Variants in ZNF383 observed in about 807,000 individuals in gnomAD.
The protein encoded by ZNF383 is zinc finger protein 383.
A neutral mutation model predicts 44.2 loss-of-function variants in ZNF383; 32 were observed. The observed-to-expected ratio is 0.72, with a 90% CI of 0.55 to 0.97. The LOEUF is 0.97. Among genes scored for constraint, ZNF383 ranks in the 50% least tolerant of loss-of-function variants. The probability of loss-of-function intolerance (pLI) is 0.00; values close to 1 mark genes in which losing one functional copy is unlikely to be tolerated. For synonymous variants in ZNF383, 155 were observed against 186.2 expected (o/e 0.83, Z 1.36); for missense variants, 487 against 562.5 (o/e 0.87, Z 1.36).
At chr19:37,229,849 G>T (rs1973396228) in intron 2 of ZNF383, among the ~76,000 whole-genome samples, 1 of 145,424 alleles carries the variant, frequency 6.9e-6, no homozygotes, top group Non-Finnish European at 1.5e-5. Context: ...ATTAGTGCCT[G>T]CATCCCTGTG....
At chr19:37,235,939 C>T (rs1291999159) in intron 4 of ZNF383, 40 bp from the exon 5 acceptor site, 4 of 1,545,744 alleles carry the variant, frequency 2.6e-6, no homozygotes, top group East Asian at 2.3e-5. Flanking sequence ...TCTCCTTTAC[C>T]CCCAGCATAA....
intron 2 of ZNF383, among the ~76,000 whole-genome samples, chr19:37,229,948 G>A (rs1421443239): frequency 6.6e-6 from 1 of 151,648 alleles, no homozygotes; most frequent in African/African-American, 2.4e-5. Context: ...GACTTGATTA[G>A]GGAAGTCTTT....
rs1974281922 is a variant in ZNF383, at chr19:37,244,430, T to G, written c.*766T>G. 6.6e-6 allele frequency: 1 copy of G among 152,512 alleles called. No individual in the cohort carries two copies. Among genetic ancestry groups the G allele is most frequent in the Admixed American group, 6.6e-5 (1 of 15,216 alleles). 9.4% of individuals were successfully genotyped at this position (152,512 alleles called of 1,614,324 possible). On this transcript the variant is annotated 3_prime_UTR_variant, in exon 6 of 6. Transcript: ENST00000684119. Reference sequence around the variant, plus strand: ...TTCGCTCTTGTTGCCTAGGCTGGAGTGCAATGGTGCAATCTCGGCTCGTCA... The same window carrying G: ...TTCGCTCTTGTTGCCTAGGCTGGAGGGCAATGGTGCAATCTCGGCTCGTCA...
chr19:37,237,560 T>C (rs1355308160), intron 5 of ZNF383, among the ~76,000 whole-genome samples: 1 of 152,152 alleles, frequency 6.6e-6, no homozygotes, highest in Non-Finnish European at 1.5e-5. Context: ...AAGCCTACAT[T>C]CTAGAGGGTA....
chr19:37,238,179 A>G (rs1202283053), intron 5 of ZNF383, among the ~76,000 whole-genome samples: 1 of 152,050 alleles, frequency 6.6e-6, no homozygotes, highest in Non-Finnish European at 1.5e-5. Flanking sequence ...TCTTAATACT[A>G]TCACATTGGC....
intron 1 of ZNF383, among the ~76,000 whole-genome samples, chr19:37,220,735 C>T (rs1416558284): frequency 2.0e-5 from 3 of 152,140 alleles, no homozygotes; most frequent in African/African-American, 7.2e-5. Flanking sequence ...TATCCTACCT[C>T]CCTCTTTAGG....
chr19:37,220,985 C>T (rs1277331586), intron 1 of ZNF383, among the ~76,000 whole-genome samples: 4 of 152,096 alleles, frequency 2.6e-5, no homozygotes, highest in Non-Finnish European at 5.9e-5. Flanking sequence ...GCAGTTCAGA[C>T]GTTGGTTATT....
chr19:37,235,917 C>A, intron 4 of ZNF383, 62 bp from the exon 5 acceptor site: 1 of 1,432,688 alleles, frequency 7.0e-7, no homozygotes, highest in Non-Finnish European at 9.6e-7. Context: ...CTGTGATCAT[C>A]AAGGGACTGG....
Position 37,245,921 on chromosome 19 carries a change from C to G in ZNF383, c.*2257C>G, listed in dbSNP as rs1045242730. On this transcript the variant is annotated 3_prime_UTR_variant, in exon 6 of 6. Coordinates refer to ENST00000684119, the MANE Select transcript of ZNF383 (RefSeq NM_001387601.1). Reference sequence around the variant, plus strand: ...AAGTGAGTCTTCCGCCTCAGCCTCCCGAGTAGCTGGGACTACAGGCGCGCG... The same window carrying G: ...AAGTGAGTCTTCCGCCTCAGCCTCCGGAGTAGCTGGGACTACAGGCGCGCG... The G allele has an allele frequency of 6.6e-6, 1 of 151,982 alleles. No individual in the cohort carries two copies. Among genetic ancestry groups the G allele is most frequent in the African/African-American group, 2.4e-5 (1 of 41,340 alleles). 9.4% of individuals were successfully genotyped at this position (151,982 alleles called of 1,614,324 possible).
intron 3 of ZNF383, among the ~76,000 whole-genome samples, chr19:37,231,448 T>A (rs1973483119): frequency 6.6e-6 from 1 of 152,104 alleles, no homozygotes; most frequent in African/African-American, 2.4e-5. Context: ...TCCTTGAACC[T>A]GGGAGGCAGA....
chr19:37,236,156 T>C, intron 5 of ZNF383, 82 bp downstream of exon 5: 1 of 1,022,686 alleles, frequency 9.8e-7, no homozygotes, highest in South Asian at 1.6e-5. Flanking sequence ...ACCTTTGAGA[T>C]GTTATCCCTG....
chr19:37,243,356 G>C lies in ZNF383; in HGVS notation c.1120G>C (p.Ala374Pro), dbSNP rs1974233015. ...KPYDCKECGKAFTQSSQLRQH... is the reference protein window; with the variant it reads ...KPYDCKECGKPFTQSSQLRQH... ...CTATGATTGTAAGGAATGTGGAAAG[G>C]CTTTTACTCAGAGCTCACAGCTTCG... Residue 374 changes from alanine to proline, a missense_variant, in exon 6 of 6, where the codon GCT becomes CCT. Ala to Pro is a conservative substitution (Grantham distance 27, BLOSUM62 -1). Coordinates refer to ENST00000684119, the MANE Select transcript of ZNF383 (RefSeq NM_001387601.1). 1 of 1,614,158 alleles carries C rather than the reference G, an allele frequency of 6.2e-7. No homozygotes were observed. Among genetic ancestry groups the C allele is most frequent in the Non-Finnish European group, 8.5e-7 (1 of 1,180,030 alleles).
At chr19:37,234,339 A>G (rs760522529) in intron 3 of ZNF383, among the ~76,000 whole-genome samples, 16 of 152,108 alleles carry the variant, frequency 1.1e-4, no homozygotes, top group Non-Finnish European at 1.5e-4. Context: ...TAGTTTTGCA[A>G]TGTCACTGTC....
chr19:37,232,032 T>A (rs1973511311), intron 3 of ZNF383, among the ~76,000 whole-genome samples: 1 of 152,134 alleles, frequency 6.6e-6, no homozygotes, highest in African/African-American at 2.4e-5. Context: ...CTAATTAGTA[T>A]TTTTTTATAA....
At position 37,242,985 on chromosome 19, in the gene ZNF383, G is replaced by A. The variant is rs773964891; in HGVS notation, c.749G>A (p.Gly250Asp). ...TCTCAACATCAGAGAATCCATACCGGTAAGAAACCCTATGAATGTAAGGAA... is the reference window on the plus strand; with the variant it reads ...TCTCAACATCAGAGAATCCATACCGATAAGAAACCCTATGAATGTAAGGAA... ...YLSQHQRIHT[G>D]KKPYECKECG... Residue 250 changes from glycine to aspartate, a missense_variant, in exon 6 of 6, where the codon GGT becomes GAT. Coordinates refer to ENST00000684119, the MANE Select transcript of ZNF383 (RefSeq NM_001387601.1). 2 of 1,613,994 alleles carry A rather than the reference G, an allele frequency of 1.2e-6. No homozygotes were observed. Among genetic ancestry groups the A allele is most frequent in the Non-Finnish European group, 1.7e-6 (2 of 1,179,924 alleles).
intron 5 of ZNF383, among the ~76,000 whole-genome samples, chr19:37,239,345 A>C (rs1973968945): frequency 6.6e-6 from 1 of 152,218 alleles, no homozygotes; most frequent in African/African-American, 2.4e-5. Flanking sequence ...CATTAATGGA[A>C]ATCACAGATA....
At position 37,242,756 on chromosome 19, in the gene ZNF383, A is replaced by C; in HGVS notation, c.520A>C (p.Lys174Gln). The change falls in exon 6 of 6, where the codon AAA becomes CAA. Residue 174 changes from lysine to glutamine, a missense_variant. Transcript: ENST00000684119. ...NNEDRPYECK[K>Q]CGKAFSQNSQ... ...TGAAGACAGACCCTATGAATGTAAG[A>C]AATGTGGAAAGGCCTTTAGTCAGAA... 2 of 1,614,132 alleles carry C rather than the reference A, an allele frequency of 1.2e-6. No individual in the cohort carries two copies. Among genetic ancestry groups the C allele is most frequent in the Non-Finnish European group, 1.7e-6 (2 of 1,180,006 alleles).
intron 5 of ZNF383, 87 bp from the exon 6 acceptor site, chr19:37,242,382 C>A: frequency 2.4e-6 from 2 of 850,952 alleles, no homozygotes; most frequent in East Asian, 5.3e-5. Context: ...AGATACTATT[C>A]TTACTTTAAT....
chr19:37,223,359 C>T (rs1973013647), intron 1 of ZNF383, among the ~76,000 whole-genome samples: 1 of 152,104 alleles, frequency 6.6e-6, no homozygotes, highest in African/African-American at 2.4e-5. Context: ...TGTAACTTTC[C>T]TGACCACAGT....
Sources: allele counts gnomAD v4.1 joint callset (sites outside exome capture counted in the v4.1 genomes callset), GRCh38; gene constraint gnomAD v4.1.1; transcripts MANE v1.5; gene names NCBI Gene and HGNC (gene_info 2026-07-23, HGNC 2026-07-21).